ITGAV: variants seen among roughly 807,000 people sequenced by gnomAD.
The protein encoded by ITGAV is integrin alpha-V.
ITGAV carries 76 observed loss-of-function variants against 143.8 expected under a neutral mutation model. The ratio of observed to expected loss-of-function variants is 0.53; its 90% CI spans 0.44 to 0.64. The LOEUF (loss-of-function observed/expected upper bound fraction) is 0.64, where lower values mean the gene tolerates loss of function less well. Ranked by LOEUF, ITGAV falls within the 30% of genes least tolerant of loss-of-function variation. ITGAV has a pLI of 0.00. For synonymous variants in ITGAV, 453 were observed against 446.7 expected, an observed-to-expected ratio of 1.01 and a Z score of -0.18; for missense variants, 1,193 against 1,274.7, an observed-to-expected ratio of 0.94 and a Z score of 0.98.
At chr2:186,596,229 A>G (rs533346867) in intron 1 of ITGAV, among the ~76,000 whole-genome samples, 2 of 152,356 alleles carry the variant, frequency 1.3e-5, no homozygotes, top group South Asian at 4.1e-4. Context: ...ACAGAGATTC[A>G]AAGTTACTGC....
At chr2:186,664,449 T>C (rs1014975072) in intron 19 of ITGAV, 45 bp from the exon 20 acceptor site, 1 of 1,577,174 alleles carries the variant, frequency 6.3e-7, no homozygotes, top group Non-Finnish European at 8.7e-7. Context: ...ACTTTCCCCA[T>C]GTAGTCTTTT....
intron 5 of ITGAV, among the ~76,000 whole-genome samples, chr2:186,633,030 C>A (rs1028371071): frequency 6.0e-5 from 9 of 149,800 alleles, no homozygotes; most frequent in Admixed American, 1.3e-4. Context: ...CATAGACAGA[C>A]AGACAGATAG....
chr2:186,655,753 G>A (rs1157754833), intron 16 of ITGAV, among the ~76,000 whole-genome samples: 1 of 152,174 alleles, frequency 6.6e-6, no homozygotes, highest in African/African-American at 2.4e-5. Context: ...ATATTCATCT[G>A]ACAGTTTGAT....
At chr2:186,669,234 G>T (rs538545981) in intron 25 of ITGAV, among the ~76,000 whole-genome samples, 1 of 152,056 alleles carries the variant, frequency 6.6e-6, no homozygotes, top group Non-Finnish European at 1.5e-5. Context: ...CACATCAAGG[G>T]TGTTTTGTTG....
intron 16 of ITGAV, 52 bp from the exon 17 acceptor site, chr2:186,656,195 A>G (rs1688577660): frequency 7.4e-7 from 1 of 1,356,474 alleles, no homozygotes. Flanking sequence ...AGAGTAGGAT[A>G]GATAGATGTC....
chr2:186,597,430 T>G (rs1686776483), intron 1 of ITGAV, among the ~76,000 whole-genome samples: 2 of 152,222 alleles, frequency 1.3e-5, no homozygotes, highest in South Asian at 4.1e-4. Context: ...TATTTATATA[T>G]GGCTACTTTA....
At chr2:186,657,790 A>C (rs771746910) in intron 17 of ITGAV, among the ~76,000 whole-genome samples, 4 of 152,136 alleles carry the variant, frequency 2.6e-5, no homozygotes, top group Non-Finnish European at 5.9e-5. Flanking sequence ...AAACAATACA[A>C]CTGTCAAAAG....
chr2:186,649,321 T>C (rs946956167), intron 13 of ITGAV, among the ~76,000 whole-genome samples: 2 of 152,036 alleles, frequency 1.3e-5, no homozygotes, highest in African/African-American at 4.8e-5. Context: ...CAAATTTAGC[T>C]TGGGTATACT....
intron 19 of ITGAV, among the ~76,000 whole-genome samples, chr2:186,664,125 G>A (rs1162619571): frequency 3.9e-5 from 6 of 152,044 alleles, no homozygotes; most frequent in Admixed American, 2.0e-4. Flanking sequence ...TTGAACTCAA[G>A]GAATATCCTT....
chr2:186,641,671 T>G, intron 12 of ITGAV, 83 bp downstream of exon 12: 1 of 1,087,454 alleles, frequency 9.2e-7, no homozygotes. Context: ...TGTAGAAGTC[T>G]ACACGAGCAA....
intron 2 of ITGAV, among the ~76,000 whole-genome samples, chr2:186,611,412 G>C (rs1164332739): frequency 6.6e-6 from 1 of 152,020 alleles, no homozygotes; most frequent in Non-Finnish European, 1.5e-5. Context: ...AAAAAAGAGA[G>C]TTGGGGTCTT....
Position 186,642,732 on chromosome 2 carries a change from G to T in ITGAV, c.1159+1144G>T, listed in dbSNP as rs117232131. Among the ~76,000 whole-genome samples, 28 of 151,508 alleles carry T rather than the reference G, an allele frequency of 1.8e-4. No homozygotes were observed. The East Asian group carries it at 5.1e-3, about 27-fold the overall frequency. On this transcript the variant is annotated intron_variant, in intron 12 of 29. Transcript: ENST00000261023. ...TTTAGTAGAGCTGAGGTCTTCCCATGTTACCCAGGCTGGTCTCTAACTCCT... is the reference window on the plus strand; with the variant it reads ...TTTAGTAGAGCTGAGGTCTTCCCATTTTACCCAGGCTGGTCTCTAACTCCT...
In ITGAV at chr2:186,656,115, T is replaced by C. The variant is rs572696410; in HGVS notation, c.1565-132T>C. 297 of 553,410 alleles carry C rather than the reference T, an allele frequency of 5.4e-4. 2 individuals carry two copies. The highest frequency in any genetic ancestry group is 3.3e-3 in the Middle Eastern group (9 of 2,752). 34.3% of individuals were successfully genotyped at this position (553,410 alleles called of 1,614,324 possible). On this transcript the variant is annotated intron_variant, in intron 16 of 29. Coordinates refer to ENST00000261023, the MANE Select transcript of ITGAV (RefSeq NM_002210.5). ...ATGTTGTAGTCTCATTACAATGTAA[T>C]GACATTTTAAATTAATTAGAAGCAA...
At chr2:186,641,767 AG>A in intron 12 of ITGAV, 179 bp downstream of exon 12, 1 of 589,368 alleles carries the variant, frequency 1.7e-6, no homozygotes. Flanking sequence ...TAAAAATCAG[AG>A]CAAAGATTTC....
chr2:186,608,794 A>G (rs1175292943), intron 2 of ITGAV, among the ~76,000 whole-genome samples: 1 of 152,166 alleles, frequency 6.6e-6, no homozygotes, highest in Non-Finnish European at 1.5e-5. Flanking sequence ...AGTAATAGAA[A>G]TAGACTCTAG....
intron 2 of ITGAV, among the ~76,000 whole-genome samples, chr2:186,611,944 G>T (rs1466388654): frequency 1.3e-5 from 2 of 152,080 alleles, no homozygotes; most frequent in African/African-American, 4.8e-5. Context: ...GAAGGTATTA[G>T]GTTGGTGCAA....
intron 2 of ITGAV, among the ~76,000 whole-genome samples, chr2:186,618,003 A>G (rs1687414765): frequency 6.6e-6 from 1 of 152,162 alleles, no homozygotes; most frequent in African/African-American, 2.4e-5. Context: ...TGTGATTCAA[A>G]ATATTTACTT....
At position 186,664,543 on chromosome 2, in the gene ITGAV, G is replaced by T. The variant is rs1233864057; in HGVS notation, c.1975G>T (p.Val659Phe). Residue 659 changes from valine (V) to phenylalanine (F), a missense_variant, in exon 20 of 30, where the codon GTT becomes TTT. By Grantham distance (50) the Val-to-Phe change is conservative. Transcript: ENST00000261023. ...GGATGACAACCCTCTGACATTGATTGTTAAGGCTCAGAATCAAGGAGAAGG... is the reference window on the plus strand; with the variant it reads ...GGATGACAACCCTCTGACATTGATTTTTAAGGCTCAGAATCAAGGAGAAGG... ...IGDDNPLTLI[V>F]KAQNQGEGAY... is the part of the protein sequence containing the mutation. The T allele has an allele frequency of 1.9e-6, 3 of 1,613,950 alleles. No homozygotes were observed. The highest frequency in any genetic ancestry group is 4.5e-5 in the East Asian group (2 of 44,850).
intron 26 of ITGAV, among the ~76,000 whole-genome samples, chr2:186,674,790 G>A (rs980836668): frequency 6.6e-6 from 1 of 152,184 alleles, no homozygotes; most frequent in African/African-American, 2.4e-5. Flanking sequence ...TTGATTACAG[G>A]AGTGAGCCAC....
Sources: allele counts gnomAD v4.1 joint callset (sites outside exome capture counted in the v4.1 genomes callset), GRCh38; gene constraint gnomAD v4.1.1; transcripts MANE v1.5; gene names NCBI Gene and HGNC (gene_info 2026-07-23, HGNC 2026-07-21).